KHDRBS2: variants seen among roughly 807,000 people sequenced by gnomAD.
KHDRBS2 encodes KH RNA binding domain containing, signal transduction associated 2, also known as KH domain-containing, RNA-binding, signal transduction-associated protein 2.
Under a neutral mutation model 44.3 loss-of-function variants are expected in KHDRBS2, and 26 were observed. That is an observed-to-expected ratio of 0.59 (90% CI 0.43 to 0.81). The LOEUF (loss-of-function observed/expected upper bound fraction) is 0.81, where lower values mean the gene tolerates loss of function less well. KHDRBS2 is among the 40% of genes least tolerant of loss of function. The probability of loss-of-function intolerance (pLI) is 0.00; values close to 1 mark genes in which losing one functional copy is unlikely to be tolerated. For missense variants in KHDRBS2, 476 were observed against 433.1 expected, an observed-to-expected ratio of 1.10 and a Z score of -0.88; for synonymous variants, 194 against 151.1, an observed-to-expected ratio of 1.28 and a Z score of -2.08.
At chr6:62,214,406 T>C (rs1236779734) in intron 1 of KHDRBS2, among the ~76,000 whole-genome samples, 2 of 152,132 alleles carry the variant, frequency 1.3e-5, no homozygotes, top group Non-Finnish European at 2.9e-5. Context: ...AATAGGAAAT[T>C]TCAGAGGATA....
At chr6:61,748,908 A>G (rs1425463635) in intron 6 of KHDRBS2, among the ~76,000 whole-genome samples, 1 of 151,914 alleles carries the variant, frequency 6.6e-6, no homozygotes, top group Admixed American at 6.6e-5. Context: ...GTTAATGGGC[A>G]CTTAAATGTA....
chr6:61,988,937 A>G (rs1215386166), intron 3 of KHDRBS2, among the ~76,000 whole-genome samples: 1 of 152,212 alleles, frequency 6.6e-6, no homozygotes, highest in African/African-American at 2.4e-5. Context: ...AATTGCTGGA[A>G]AAAAGATGAA....
the KHDRBS2 span, among the ~76,000 whole-genome samples, chr6:61,592,876 A>T: frequency 6.6e-6 from 1 of 152,174 alleles, no homozygotes; most frequent in Non-Finnish European, 1.5e-5. Flanking sequence ...AGAATCTGTC[A>T]GGTCAGTTAA....
chr6:61,733,894 C>T (rs570997979), intron 6 of KHDRBS2, among the ~76,000 whole-genome samples: 10 of 151,902 alleles, frequency 6.6e-5, no homozygotes, highest in Middle Eastern at 3.4e-3. Flanking sequence ...GGTGCTGGCG[C>T]ATCTCTTTCC....
At chr6:61,765,651 G>A (rs1938397) in intron 6 of KHDRBS2, among the ~76,000 whole-genome samples, 59,119 of 151,656 alleles carry the variant, frequency 0.39, 11,763 homozygotes, top group East Asian at 0.48. Context: ...ATCATGTTGA[G>A]GTATGTTCCT....
intron 6 of KHDRBS2, among the ~76,000 whole-genome samples, chr6:61,849,303 T>A (rs115551401): frequency 6.6e-6 from 1 of 152,066 alleles, no homozygotes; most frequent in Non-Finnish European, 1.5e-5. Context: ...TTGACACAGG[T>A]TCCTGTGATA....
At chr6:61,875,858 TTATA>T (rs1799337632) in intron 6 of KHDRBS2, among the ~76,000 whole-genome samples, 1 of 151,966 alleles carries the variant, frequency 6.6e-6, no homozygotes, top group South Asian at 2.1e-4. Context: ...AATTACCCTC[TTATA>T]TTTATTTATT....
chr6:61,699,656 TTTTGA>T (rs1245878194), intron 7 of KHDRBS2, among the ~76,000 whole-genome samples: 1 of 151,976 alleles, frequency 6.6e-6, no homozygotes, highest in Non-Finnish European at 1.5e-5. Context: ...TTTTAAGTAC[TTTTGA>T]TTTTATTGAT....
chr6:62,221,757 C>T (rs1386708067), intron 1 of KHDRBS2, among the ~76,000 whole-genome samples: 3 of 151,994 alleles, frequency 2.0e-5, no homozygotes, highest in African/African-American at 7.2e-5. Flanking sequence ...AAAAAGGACT[C>T]AATACTTTGA....
At position 61,954,798 on chromosome 6, in the gene KHDRBS2, G is replaced by C. The variant is rs752765367; in HGVS notation, c.483+23268C>G. Among the ~76,000 whole-genome samples the C allele has an allele frequency of 6.8e-5, 5 of 73,314 alleles. 1 individual carries two copies. Among genetic ancestry groups the C allele is most frequent in the Non-Finnish European group, 1.1e-4 (4 of 37,140 alleles). The allele number at this position is 73,314 out of a possible 152,430, so 48.1% of individuals were successfully genotyped here. On this transcript the variant is annotated intron_variant, in intron 4 of 8. Coordinates refer to ENST00000281156, the MANE Select transcript of KHDRBS2 (RefSeq NM_152688.4). The stretch of plus-strand genomic sequence containing the variant: ...CATATGTGTATATACACATGCATAT[G>C]TATGTATACATACGCATGTGTATAT...
At chr6:61,846,840 C>T (rs1402389770) in intron 6 of KHDRBS2, among the ~76,000 whole-genome samples, 1 of 151,554 alleles carries the variant, frequency 6.6e-6, no homozygotes, top group Non-Finnish European at 1.5e-5. Context: ...TAATTTATTG[C>T]TTAAAAAGTG....
At chr6:61,739,982 T>A (rs1775915825) in intron 6 of KHDRBS2, among the ~76,000 whole-genome samples, 1 of 151,954 alleles carries the variant, frequency 6.6e-6, no homozygotes, top group South Asian at 2.1e-4. Context: ...ATTTACAAAA[T>A]TCCTAAAAAT....
At chr6:61,901,416 G>C in intron 4 of KHDRBS2, 45 bp from the exon 5 acceptor site, 1 of 1,442,654 alleles carries the variant, frequency 6.9e-7, no homozygotes, top group Non-Finnish European at 9.3e-7. Flanking sequence ...GGGACATGCC[G>C]TTCTCAGAGT....
At chr6:62,127,119 T>C (rs960974417) in intron 2 of KHDRBS2, among the ~76,000 whole-genome samples, 10 of 152,184 alleles carry the variant, frequency 6.6e-5, no homozygotes, top group Non-Finnish European at 7.3e-5. Flanking sequence ...TGGTTTAAAC[T>C]AGGAGGACAT....
At chr6:62,053,638 C>A (rs1789596124) in intron 2 of KHDRBS2, among the ~76,000 whole-genome samples, 1 of 151,904 alleles carries the variant, frequency 6.6e-6, no homozygotes, top group African/African-American at 2.4e-5. Flanking sequence ...CAATAGAAGG[C>A]TTCTATTCAA....
intron 3 of KHDRBS2, among the ~76,000 whole-genome samples, chr6:62,029,600 T>C (rs1473102618): frequency 6.6e-6 from 1 of 151,964 alleles, no homozygotes; most frequent in Non-Finnish European, 1.5e-5. Flanking sequence ...TCCAAGCATA[T>C]TTATTCTCCA....
intron 1 of KHDRBS2, among the ~76,000 whole-genome samples, chr6:62,245,698 G>A (rs1237433617): frequency 1.3e-5 from 2 of 152,078 alleles, no homozygotes; most frequent in Non-Finnish European, 2.9e-5. Context: ...ATGAACTTAT[G>A]TGGCAAATAA....
chr6:61,548,290 CTA>C, the KHDRBS2 span, among the ~76,000 whole-genome samples: 1 of 151,920 alleles, frequency 6.6e-6, no homozygotes, highest in Non-Finnish European at 1.5e-5. Flanking sequence ...TTTATGAGGG[CTA>C]TATATATAGC....
At chr6:62,082,796 C>T (rs1481446725) in intron 2 of KHDRBS2, among the ~76,000 whole-genome samples, 1 of 152,118 alleles carries the variant, frequency 6.6e-6, no homozygotes, top group African/African-American at 2.4e-5. Flanking sequence ...GAAAAGCTTT[C>T]ACGCTTTTGG....
Sources: allele counts gnomAD v4.1 joint callset (sites outside exome capture counted in the v4.1 genomes callset), GRCh38; gene constraint gnomAD v4.1.1; transcripts MANE v1.5; gene names NCBI Gene and HGNC (gene_info 2026-07-23, HGNC 2026-07-21).